CSMD1: variants seen among roughly 807,000 people sequenced by gnomAD.
CSMD1 encodes CUB and sushi domain-containing protein 1.
A neutral mutation model predicts 417.5 loss-of-function variants in CSMD1; 213 were observed. The observed-to-expected ratio is 0.51, with a 90% CI of 0.46 to 0.57. The LOEUF is 0.57. Among genes scored for constraint, CSMD1 ranks in the 20% least tolerant of loss-of-function variants. The pLI, the probability that CSMD1 is intolerant of heterozygous loss-of-function variation, is 0.00. For missense variants in CSMD1, 6,923 were observed against 4,529.7 expected, an observed-to-expected ratio of 1.53 and a Z score of -15.17; for synonymous variants, 2,862 against 1,736.8, an observed-to-expected ratio of 1.65 and a Z score of -16.11.
chr8:3,786,234 G>A (rs973945127), intron 5 of CSMD1, among the ~76,000 whole-genome samples: 37 of 152,116 alleles, frequency 2.4e-4, no homozygotes, highest in African/African-American at 8.7e-4. Context: ...GTGTCGCTAA[G>A]ACATTGTCGG....
rs1554501868 is a variant in CSMD1, at chr8:3,060,167, T to TTTC, written c.7475-7521_7475-7520insGAA. On this transcript the variant is annotated intron_variant, in intron 49 of 69. Coordinates refer to ENST00000635120, the MANE Select transcript of CSMD1 (RefSeq NM_033225.6). ...TACTAACAACTTTTTTTTTTTTTTT[T>TTTC]CTGAGTCTCACTCTGTCGCCCAGGC... is the stretch of plus-strand genomic sequence containing the variant. 4.6e-5 allele frequency among the ~76,000 whole-genome samples: 7 copies of TTTC among 151,646 alleles called. No individual in the cohort carries two copies. In the East Asian group the frequency reaches 1.4e-3, roughly 29 times the overall value.
intron 52 of CSMD1, among the ~76,000 whole-genome samples, chr8:3,013,748 GAA>G (rs753380315): frequency 0.051 from 6,071 of 119,742 alleles, 136 homozygotes; most frequent in East Asian, 0.084. Flanking sequence ...CTCCATCTCA[GAA>G]AAAAAAAAAA....
chr8:3,819,946 G>A (rs1194236360), intron 5 of CSMD1, among the ~76,000 whole-genome samples: 1 of 152,094 alleles, frequency 6.6e-6, no homozygotes, highest in Admixed American at 6.6e-5. Context: ...CCTCTCCCTT[G>A]AATAATTCAT....
chr8:4,024,886 G>C (rs1436900796), intron 4 of CSMD1, among the ~76,000 whole-genome samples: 5 of 152,170 alleles, frequency 3.3e-5, no homozygotes, highest in Non-Finnish European at 5.9e-5. Flanking sequence ...CTAAAACAAA[G>C]TGTTCCATCA....
intron 21 of CSMD1, among the ~76,000 whole-genome samples, chr8:3,348,724 T>C (rs186951971): frequency 1.6e-4 from 24 of 152,332 alleles, no homozygotes; most frequent in Non-Finnish European, 7.3e-5. Context: ...TCAATGGCAG[T>C]AATTATCTGC....
intron 60 of CSMD1, 98 bp downstream of exon 60, chr8:2,963,124 C>A: frequency 4.5e-6 from 6 of 1,331,936 alleles, no homozygotes; most frequent in Non-Finnish European, 6.3e-6. Flanking sequence ...TATTACCCAC[C>A]AGGAAGGTCC....
intron 1 of CSMD1, among the ~76,000 whole-genome samples, chr8:4,839,372 T>G (rs1001432162): frequency 2.4e-4 from 36 of 152,258 alleles, no homozygotes; most frequent in African/African-American, 8.7e-4. Context: ...TTCATAATTA[T>G]GTCAAAGTAT....
At chr8:3,983,185 C>T (rs907561353) in intron 5 of CSMD1, among the ~76,000 whole-genome samples, 4 of 146,384 alleles carry the variant, frequency 2.7e-5, no homozygotes, top group South Asian at 2.1e-4. Flanking sequence ...GGCTGGAGTG[C>T]AGTGGCGCGA....
At chr8:4,312,680 C>A (rs1436926437) in intron 3 of CSMD1, among the ~76,000 whole-genome samples, 1 of 151,818 alleles carries the variant, frequency 6.6e-6, no homozygotes, top group Non-Finnish European at 1.5e-5. Context: ...AGTTTGAGAC[C>A]AGCCTGGCCA....
In CSMD1 at chr8:3,747,595, G is replaced by A. The variant is rs143484105; in HGVS notation, c.931+6335C>T. On this transcript the variant is annotated intron_variant, in intron 6 of 69. Coordinates refer to ENST00000635120, the MANE Select transcript of CSMD1 (RefSeq NM_033225.6). ...TTCCAAGTTTGTTTATTACTTCTAT[G>A]GTTAATGAACATTTAGGTGATTCTC... Among the ~76,000 whole-genome samples the A allele has an allele frequency of 2.2e-3, 327 of 151,686 alleles. 2 individuals carry two copies. The highest frequency in any genetic ancestry group is 7.4e-3 in the African/African-American group (305 of 41,350).
chr8:3,071,603 G>C (rs1052595015), intron 49 of CSMD1, among the ~76,000 whole-genome samples: 3 of 152,136 alleles, frequency 2.0e-5, no homozygotes, highest in African/African-American at 7.2e-5. Context: ...TCAACCTCAA[G>C]TGGATTATTT....
chr8:3,000,264 T>C (rs906677781), intron 52 of CSMD1, 133 bp from the exon 53 acceptor site: 4 of 429,806 alleles, frequency 9.3e-6, no homozygotes, highest in African/African-American at 2.0e-5. Flanking sequence ...ATTACATATA[T>C]ATGTATACTT....
chr8:3,253,413 T>C (rs561795519), intron 26 of CSMD1, among the ~76,000 whole-genome samples: 110 of 152,344 alleles, frequency 7.2e-4, no homozygotes, highest in African/African-American at 2.5e-3. Context: ...ATAATTTCTG[T>C]TCTTTTACAT....
chr8:3,218,160 G>A (rs1337865716), intron 29 of CSMD1, among the ~76,000 whole-genome samples: 1 of 152,212 alleles, frequency 6.6e-6, no homozygotes, highest in Non-Finnish European at 1.5e-5. Context: ...CTGATCTGAT[G>A]ATAAAAGAAA....
chr8:4,583,240 G>C (rs1371102479), intron 2 of CSMD1, among the ~76,000 whole-genome samples: 1 of 152,234 alleles, frequency 6.6e-6, no homozygotes, highest in Non-Finnish European at 1.5e-5. Context: ...CTGGCAGGCA[G>C]CTCCACCTGC....
chr8:3,490,329 T>C (rs1037533163), intron 11 of CSMD1, among the ~76,000 whole-genome samples: 12 of 152,222 alleles, frequency 7.9e-5, no homozygotes, highest in Non-Finnish European at 1.0e-4. Context: ...ATGTAATACA[T>C]AGTTTGCAAT....
intron 3 of CSMD1, among the ~76,000 whole-genome samples, chr8:4,099,785 G>T (rs914308842): frequency 6.6e-6 from 1 of 152,122 alleles, no homozygotes; most frequent in Non-Finnish European, 1.5e-5. Flanking sequence ...CTTCCCTTAT[G>T]ATAGTACTGG....
chr8:4,117,951 G>GAAA (rs5889017), intron 3 of CSMD1, among the ~76,000 whole-genome samples: 142 of 144,730 alleles, frequency 9.8e-4, no homozygotes, highest in Admixed American at 9.6e-4. Context: ...AAGTCAATAG[G>GAAA]AAAAAAAAAA....
intron 2 of CSMD1, among the ~76,000 whole-genome samples, chr8:4,442,027 T>A (rs1798512917): frequency 6.6e-6 from 1 of 152,160 alleles, no homozygotes; most frequent in South Asian, 2.1e-4. Flanking sequence ...GTCCCCCCGC[T>A]TTTTTCTAAG....
Sources: allele counts gnomAD v4.1 joint callset (sites outside exome capture counted in the v4.1 genomes callset), GRCh38; gene constraint gnomAD v4.1.1; transcripts MANE v1.5; gene names NCBI Gene and HGNC (gene_info 2026-07-23, HGNC 2026-07-21).